Variants in TSPAN5 observed in about 807,000 individuals in gnomAD.
The protein encoded by TSPAN5 is tetraspanin 5, also known as tetraspanin-5.
Under a neutral mutation model 37.1 loss-of-function variants are expected in TSPAN5, and 10 were observed. The observed-to-expected ratio is 0.27, with a 90% CI of 0.17 to 0.46. The LOEUF is 0.46. TSPAN5 is among the 20% of genes least tolerant of loss of function. The probability of loss-of-function intolerance (pLI) is 1.00; values close to 1 mark genes in which losing one functional copy is unlikely to be tolerated. For missense variants in TSPAN5, 195 were observed against 326.6 expected, an observed-to-expected ratio of 0.60 and a Z score of 3.11; for synonymous variants, 110 against 118.9, an observed-to-expected ratio of 0.93 and a Z score of 0.48.
chr4:98,476,215 T>C lies in TSPAN5; in HGVS notation c.715A>G (p.Ile239Val). The stretch of plus-strand genomic sequence containing the variant: ...TGCAGCAATGCAATGCCTATGAAAA[T>C]ACCAGCAACGATGGTTAAATTGTCC... ...LQDNLTIVAG[I>V]FIGIALLQIF... The change falls in exon 7 of 8, where the codon ATT becomes GTT. Residue 239 changes from isoleucine (I) to valine (V), a missense_variant. Transcript: ENST00000305798. 1 of 1,614,096 alleles carries C rather than the reference T, an allele frequency of 6.2e-7. No homozygotes were observed. Among genetic ancestry groups the C allele is most frequent in the South Asian group, 1.1e-5 (1 of 91,084 alleles).
chr4:98,545,262 G>T (rs1754444318), intron 1 of TSPAN5, among the ~76,000 whole-genome samples: 1 of 152,210 alleles, frequency 6.6e-6, no homozygotes, highest in African/African-American at 2.4e-5. Flanking sequence ...ACAGAGAAAG[G>T]CAGAGCAAGA....
chr4:98,577,411 C>G (rs1035916687), intron 1 of TSPAN5, among the ~76,000 whole-genome samples: 2 of 152,146 alleles, frequency 1.3e-5, no homozygotes, highest in Non-Finnish European at 2.9e-5. Context: ...GTCCCCTCAT[C>G]ATTTGCCTTC....
intron 1 of TSPAN5, among the ~76,000 whole-genome samples, chr4:98,591,335 G>GTACA (rs745662515): frequency 4.7e-4 from 63 of 135,024 alleles, no homozygotes; most frequent in Non-Finnish European, 5.9e-4. Context: ...ATTTAACAAA[G>GTACA]TACATGCAAG....
chr4:98,590,070 T>C (rs186054887), intron 1 of TSPAN5, among the ~76,000 whole-genome samples: 2 of 152,244 alleles, frequency 1.3e-5, no homozygotes, highest in East Asian at 3.9e-4. Flanking sequence ...AAAGACATGC[T>C]GCAAAGGTAC....
chr4:98,492,756 T>A (rs1753111816), intron 2 of TSPAN5, among the ~76,000 whole-genome samples: 1 of 152,206 alleles, frequency 6.6e-6, no homozygotes, highest in Admixed American at 6.5e-5. Flanking sequence ...TTCAGCATCA[T>A]CAATGAAATG....
chr4:98,575,363 CTT>C (rs556634724), intron 1 of TSPAN5, among the ~76,000 whole-genome samples: 55 of 136,760 alleles, frequency 4.0e-4, no homozygotes, highest in Non-Finnish European at 3.5e-4. Context: ...CTGGCGGGCT[CTT>C]TTTTTTTTTT....
chr4:98,481,978 C>T (rs751178099), intron 4 of TSPAN5, 27 bp downstream of exon 4: 3 of 1,610,540 alleles, frequency 1.9e-6, no homozygotes, highest in Non-Finnish European at 1.7e-6. Flanking sequence ...GAACTTTCAA[C>T]TTGAAAACAA....
rs1194318640 is a variant in TSPAN5 at position 98,533,939 on chromosome 4, TAAAAAA to T, written c.82-26217_82-26212del. On this transcript the variant is annotated intron_variant, in intron 1 of 7. Transcript: ENST00000305798. ...AGTGGTCTATCCATTTTGTTGATCT[TAAAAAA>T]AAAAAAAAAAAAAAAAACCAGCTCC... Among the ~76,000 whole-genome samples the T allele has an allele frequency of 9.0e-4, 28 of 31,154 alleles. 1 individual carries two copies. The South Asian group carries it at 9.3e-3, about 10-fold the overall frequency. The allele number at this position is 31,154 out of a possible 152,430, so 20.4% of individuals were successfully genotyped here.
At chr4:98,626,464 C>A (rs766816282) in intron 1 of TSPAN5, among the ~76,000 whole-genome samples, 24 of 152,264 alleles carry the variant, frequency 1.6e-4, no homozygotes, top group Non-Finnish European at 2.8e-4. Context: ...CAGAGTTTCT[C>A]ATCTCCCTCA....
intron 1 of TSPAN5, among the ~76,000 whole-genome samples, chr4:98,616,590 A>G (rs912607061): frequency 2.0e-5 from 3 of 152,210 alleles, no homozygotes; most frequent in Admixed American, 2.0e-4. Flanking sequence ...AGCATAGCGC[A>G]CAGCCTCAGA....
chr4:98,513,882 ATAG>A (rs1753671261), intron 1 of TSPAN5, among the ~76,000 whole-genome samples: 1 of 151,986 alleles, frequency 6.6e-6, no homozygotes, highest in African/African-American at 2.4e-5. Context: ...AGATAGATAG[ATAG>A]ATAGATAGAT....
chr4:98,476,581 G>T, intron 5 of TSPAN5, 121 bp from the exon 6 acceptor site: 3 of 845,654 alleles, frequency 3.5e-6, no homozygotes, highest in Non-Finnish European at 5.8e-6. Flanking sequence ...CACAAAGACT[G>T]CAGCACTATG....
At chr4:98,630,245 G>A (rs1287846791) in intron 1 of TSPAN5, among the ~76,000 whole-genome samples, 1 of 152,164 alleles carries the variant, frequency 6.6e-6, no homozygotes, top group Non-Finnish European at 1.5e-5. Flanking sequence ...AGCAGAGGAG[G>A]CACCAAACGA....
At chr4:98,569,333 A>T (rs186131487) in intron 1 of TSPAN5, among the ~76,000 whole-genome samples, 1 of 152,354 alleles carries the variant, frequency 6.6e-6, no homozygotes, top group Admixed American at 6.5e-5. Flanking sequence ...AACACGATGG[A>T]GAGATTAGCT....
At chr4:98,631,959 T>G (rs56327647) in intron 1 of TSPAN5, among the ~76,000 whole-genome samples, 7 of 152,312 alleles carry the variant, frequency 4.6e-5, no homozygotes, top group Non-Finnish European at 8.8e-5. Context: ...TCTTTGAGTC[T>G]TTACATCAGT....
At chr4:98,622,361 A>C (rs553611506) in intron 1 of TSPAN5, among the ~76,000 whole-genome samples, 15 of 152,300 alleles carry the variant, frequency 9.8e-5, no homozygotes, top group Non-Finnish European at 1.6e-4. Context: ...ACAGGCATAA[A>C]CCACTGCATC....
At chr4:98,611,194 G>A (rs573557345) in intron 1 of TSPAN5, among the ~76,000 whole-genome samples, 1 of 152,286 alleles carries the variant, frequency 6.6e-6, no homozygotes, top group African/African-American at 2.4e-5. Context: ...GAAGAGATTA[G>A]TCCACACCTT....
chr4:98,514,591 C>G (rs1264068372), intron 1 of TSPAN5, among the ~76,000 whole-genome samples: 3 of 152,174 alleles, frequency 2.0e-5, no homozygotes, highest in Non-Finnish European at 4.4e-5. Context: ...AAACTGTAAA[C>G]AGGACATGTC....
intron 7 of TSPAN5, among the ~76,000 whole-genome samples, chr4:98,475,608 A>C (rs1752673427): frequency 6.6e-6 from 1 of 152,252 alleles, no homozygotes; most frequent in Admixed American, 6.5e-5. Flanking sequence ...GTAGGCAACC[A>C]CTATCTAATT....
Sources: allele counts gnomAD v4.1 joint callset (sites outside exome capture counted in the v4.1 genomes callset), GRCh38; gene constraint gnomAD v4.1.1; transcripts MANE v1.5; gene names NCBI Gene and HGNC (gene_info 2026-07-23, HGNC 2026-07-21).